PDZRN4: variants seen among roughly 807,000 people sequenced by gnomAD.
The protein encoded by PDZRN4 is PDZ domain containing ring finger 4, also known as PDZ domain-containing RING finger protein 4.
PDZRN4 carries 70 observed loss-of-function variants against 99.0 expected under a neutral mutation model. That is an observed-to-expected ratio of 0.71 (90% CI 0.58 to 0.86). The LOEUF (loss-of-function observed/expected upper bound fraction) is 0.86, where lower values mean the gene tolerates loss of function less well. PDZRN4 is among the 40% of genes least tolerant of loss of function. The probability of loss-of-function intolerance (pLI) is 0.00; values close to 1 mark genes in which losing one functional copy is unlikely to be tolerated. For missense variants in PDZRN4, 1,474 were observed against 1,331.2 expected (o/e 1.11, Z -1.67); for synonymous variants, 551 against 501.6 (o/e 1.10, Z -1.32).
At chr12:41,511,062 T>C (rs1938296442) in intron 5 of PDZRN4, among the ~76,000 whole-genome samples, 1 of 152,166 alleles carries the variant, frequency 6.6e-6, no homozygotes, top group South Asian at 2.1e-4. Context: ...AAATAAATTA[T>C]AAAATTGAAT....
intron 3 of PDZRN4, among the ~76,000 whole-genome samples, chr12:41,217,350 C>T (rs1209843291): frequency 6.6e-6 from 1 of 152,066 alleles, no homozygotes; most frequent in Non-Finnish European, 1.5e-5. Flanking sequence ...TCTGCTGTCA[C>T]CATCTTGAAA....
chr12:41,369,327 C>A (rs921900486), intron 3 of PDZRN4, among the ~76,000 whole-genome samples: 76 of 152,098 alleles, frequency 5.0e-4, no homozygotes, highest in African/African-American at 1.8e-3. Context: ...CCTTGTAGTT[C>A]TCTTAATTTC....
At chr12:41,429,321 C>T (rs1030667042) in intron 3 of PDZRN4, among the ~76,000 whole-genome samples, 11 of 152,112 alleles carry the variant, frequency 7.2e-5, no homozygotes, top group African/African-American at 2.7e-4. Context: ...AAATATTCTA[C>T]AGTTATCAGT....
chr12:41,491,569 C>G (rs1001329782), intron 3 of PDZRN4, among the ~76,000 whole-genome samples: 7 of 152,048 alleles, frequency 4.6e-5, no homozygotes, highest in Non-Finnish European at 1.0e-4. Context: ...TGAATACTGG[C>G]TTTCCCTGTC....
intron 3 of PDZRN4, among the ~76,000 whole-genome samples, chr12:41,280,464 G>T (rs576034036): frequency 6.6e-6 from 1 of 152,318 alleles, no homozygotes; most frequent in Admixed American, 6.5e-5. Flanking sequence ...AGATCCACTG[G>T]TTGAAATTCT....
rs538236191 is a variant in PDZRN4 at position 41,444,451 on chromosome 12, C to G, written c.844-62005C>G. Among the ~76,000 whole-genome samples the G allele has an allele frequency of 3.3e-5, 5 of 152,220 alleles. No homozygotes were observed. The South Asian group carries it at 6.2e-4, about 19-fold the overall frequency. ...GCCCAATTCTGGTTCCTTCCTGTCCCTTCCACAAAGGGAACACTCCTTAGT... is the reference window on the plus strand; with the variant it reads ...GCCCAATTCTGGTTCCTTCCTGTCCGTTCCACAAAGGGAACACTCCTTAGT... On this transcript the variant is annotated intron_variant, in intron 3 of 9. Coordinates refer to ENST00000402685, the MANE Select transcript of PDZRN4 (RefSeq NM_001164595.2).
At chr12:41,534,582 AATGGCTTCC>A (rs1309967633) in intron 5 of PDZRN4, among the ~76,000 whole-genome samples, 3 of 152,176 alleles carry the variant, frequency 2.0e-5, no homozygotes, top group Non-Finnish European at 4.4e-5. Flanking sequence ...TGCTGAGGCT[AATGGCTTCC>A]AGCTCCATCC....
intron 3 of PDZRN4, among the ~76,000 whole-genome samples, chr12:41,389,734 C>T (rs1389733192): frequency 6.6e-6 from 1 of 152,194 alleles, no homozygotes; most frequent in Non-Finnish European, 1.5e-5. Context: ...TGGACTATGA[C>T]TTGTCAATTC....
Position 41,350,140 on chromosome 12 carries a change from T to C in PDZRN4, c.843+155952T>C, listed in dbSNP as rs530111486. ...GTAAATATTTCTTTAATTTCTCCTA[T>C]GTGACAGGTACTGTGTTCAATGCTG... is the stretch of plus-strand genomic sequence containing the variant. On this transcript the variant is annotated intron_variant, in intron 3 of 9. Transcript: ENST00000402685. 2.0e-5 allele frequency among the ~76,000 whole-genome samples: 3 copies of C among 152,230 alleles called. No individual in the cohort carries two copies. The South Asian group carries it at 6.2e-4, about 32-fold the overall frequency.
chr12:41,368,055 G>T (rs1057145236), intron 3 of PDZRN4, among the ~76,000 whole-genome samples: 12 of 151,918 alleles, frequency 7.9e-5, no homozygotes, highest in Admixed American at 2.0e-4. Flanking sequence ...AATTAGCAGG[G>T]CACTTGGCTT....
At chr12:41,337,645 T>C (rs1951785344) in intron 3 of PDZRN4, among the ~76,000 whole-genome samples, 1 of 152,104 alleles carries the variant, frequency 6.6e-6, no homozygotes, top group African/African-American at 2.4e-5. Flanking sequence ...TATCACCTGA[T>C]CTCAGTTGTT....
chr12:41,431,843 G>T (rs1460970700), intron 3 of PDZRN4, among the ~76,000 whole-genome samples: 1 of 152,184 alleles, frequency 6.6e-6, no homozygotes, highest in African/African-American at 2.4e-5. Flanking sequence ...AGGAGGGGAT[G>T]ACACATGGGA....
intron 3 of PDZRN4, among the ~76,000 whole-genome samples, chr12:41,231,286 A>C (rs1951028130): frequency 6.6e-6 from 1 of 152,252 alleles, no homozygotes; most frequent in East Asian, 1.9e-4. Context: ...TTTTTATTAG[A>C]GAAAAATATA....
chr12:41,276,436 G>A (rs1312568356), intron 3 of PDZRN4, among the ~76,000 whole-genome samples: 1 of 151,808 alleles, frequency 6.6e-6, no homozygotes, highest in Non-Finnish European at 1.5e-5. Context: ...TAGACCTGGG[G>A]ATTATTTTAT....
chr12:41,440,911 T>C (rs1184417526), intron 3 of PDZRN4, among the ~76,000 whole-genome samples: 2 of 152,158 alleles, frequency 1.3e-5, no homozygotes, highest in Admixed American at 6.6e-5. Flanking sequence ...TTCTTATTAA[T>C]TTGATTAAAT....
chr12:41,266,423 A>C (rs368425507), intron 3 of PDZRN4, among the ~76,000 whole-genome samples: 6 of 152,002 alleles, frequency 3.9e-5, no homozygotes, highest in East Asian at 3.9e-4. Flanking sequence ...TTACCTGTGC[A>C]CCTAGTTGGA....
At chr12:41,335,525 A>C (rs1951766902) in intron 3 of PDZRN4, among the ~76,000 whole-genome samples, 1 of 152,094 alleles carries the variant, frequency 6.6e-6, no homozygotes, top group Non-Finnish European at 1.5e-5. Context: ...ATGGTGTCAG[A>C]CCTGATTTGC....
chr12:41,473,788 C>A (rs986568979), intron 3 of PDZRN4, among the ~76,000 whole-genome samples: 2 of 152,182 alleles, frequency 1.3e-5, no homozygotes. Context: ...AGTGCCCCTC[C>A]TGATATCCAA....
At chr12:41,203,929 A>T (rs372234237) in intron 3 of PDZRN4, among the ~76,000 whole-genome samples, 55 of 152,062 alleles carry the variant, frequency 3.6e-4, no homozygotes, top group African/African-American at 1.3e-3. Flanking sequence ...CTGAAAGATT[A>T]AATCCCAAAG....
Sources: gnomAD v4.1 joint callset for allele counts (sites outside exome capture counted in the v4.1 genomes callset) on GRCh38, gnomAD v4.1.1 for gene constraint, MANE v1.5 for transcripts, NCBI Gene and HGNC (gene_info 2026-07-23, HGNC 2026-07-21) for gene names.